The following ZBTB43 variants were observed in gnomAD, a reference collection of about 807,000 sequenced individuals.
ZBTB43 encodes the protein zinc finger and BTB domain-containing protein 43.
In ZBTB43, 6 loss-of-function variants were observed where a neutral mutation model predicts 31.1. The observed-to-expected ratio is 0.19, with a 90% confidence interval of 0.11 to 0.38. ZBTB43 has a LOEUF of 0.38. Ranked by LOEUF, ZBTB43 falls within the 10% of genes least tolerant of loss-of-function variation. The pLI, the probability that ZBTB43 is intolerant of heterozygous loss-of-function variation, is 1.00. For synonymous variants in ZBTB43, 212 were observed against 221.7 expected (o/e 0.96, Z 0.39); for missense variants, 379 against 602.1 (o/e 0.63, Z 3.88).
chr9:126,807,555 T>C lies in ZBTB43; in HGVS notation c.-146-1238T>C, dbSNP rs558989456. Among the ~76,000 whole-genome samples, 4 of 152,344 alleles carry C rather than the reference T, an allele frequency of 2.6e-5. No homozygotes were observed. In the South Asian group the frequency reaches 8.3e-4, roughly 32 times the overall value. ...GATCACATTCTGATTTCAGGAATTT[T>C]AAAATGTGAAAAAATGCATGTCTGA... is the stretch of plus-strand genomic sequence containing the variant. On this transcript the variant is annotated intron_variant, in intron 1 of 2. Transcript: ENST00000373464.
At chr9:126,825,403 G>A (rs550469271) in intron 2 of ZBTB43, among the ~76,000 whole-genome samples, 12 of 152,042 alleles carry the variant, frequency 7.9e-5, no homozygotes, top group Admixed American at 1.3e-4. Context: ...CAGAGCTACC[G>A]TAACAAAATA....
intron 1 of ZBTB43, among the ~76,000 whole-genome samples, chr9:126,807,063 T>C (rs2032141888): frequency 6.6e-6 from 1 of 152,214 alleles, no homozygotes; most frequent in Non-Finnish European, 1.5e-5. Flanking sequence ...GTTTTTTTGT[T>C]TTTTAAAATC....
In ZBTB43 at chr9:126,837,527, A is replaced by T; in HGVS notation, c.*3614A>T. 6.0e-6 allele frequency: 1 copy of T among 167,114 alleles called. No individual in the cohort carries two copies. Among genetic ancestry groups the T allele is most frequent in the South Asian group, 2.1e-4 (1 of 4,836 alleles). The allele number at this position is 167,114 out of a possible 1,614,324, so 10.4% of individuals were successfully genotyped here. A position where few individuals can be genotyped will look rare whatever the true frequency, so the allele number is the denominator to read the frequency against. On this transcript the variant is annotated 3_prime_UTR_variant, in exon 3 of 3. Coordinates refer to ENST00000373464, the MANE Select transcript of ZBTB43 (RefSeq NM_014007.4). ...AGCTGTGCTTTCCCTGGGGAAGGGGATGTGCTGCGGCCTCCTGGGTGGGCG... is the reference window on the plus strand; with the variant it reads ...AGCTGTGCTTTCCCTGGGGAAGGGGTTGTGCTGCGGCCTCCTGGGTGGGCG...
Position 126,833,379 on chromosome 9 carries a change from C to A in ZBTB43, c.870C>A (p.Asp290Glu), listed in dbSNP as rs148991528. The A allele has an allele frequency of 1.9e-5, 31 of 1,613,684 alleles. No homozygotes were observed. The African/African-American group carries it at 4.0e-4, about 21-fold the overall frequency. The change falls in exon 3 of 3, where the codon GAC becomes GAA. Residue 290 changes from aspartate to glutamate, a missense_variant. Asp to Glu is a conservative substitution (Grantham distance 45). Coordinates refer to ENST00000373464, the MANE Select transcript of ZBTB43 (RefSeq NM_014007.4). This position sits in a 1 kb window ranked among gnomAD's most constrained non-coding sequence, Gnocchi z 7.9. ...HTVQPSGVEE[D>E]FHIGEKKVEA... ...TGCAGCCTTCGGGAGTGGAGGAGGA[C>A]TTCCACATCGGGGAGAAGAAAGTGG...
At chr9:126,806,692 C>T (rs2032134004) in intron 1 of ZBTB43, among the ~76,000 whole-genome samples, 1 of 152,176 alleles carries the variant, frequency 6.6e-6, no homozygotes, top group South Asian at 2.1e-4. Context: ...ACTCCTGAAA[C>T]CAATAAGCTC....
chr9:126,831,940 A>AT (rs2032772438), intron 2 of ZBTB43: 2 of 150,428 alleles, frequency 1.3e-5, no homozygotes, highest in African/African-American at 2.5e-5. Flanking sequence ...CCTGGGCAAC[A>AT]AGAGCAAAAC....
intron 2 of ZBTB43, among the ~76,000 whole-genome samples, chr9:126,828,734 A>AC (rs2032705899): frequency 6.6e-6 from 1 of 150,806 alleles, no homozygotes; most frequent in Non-Finnish European, 1.5e-5. Flanking sequence ...AAAGAGTAAA[A>AC]GCAAAGAGTA....
chr9:126,817,159 G>A (rs1453433890), intron 2 of ZBTB43, among the ~76,000 whole-genome samples: 1 of 140,786 alleles, frequency 7.1e-6, no homozygotes, highest in Admixed American at 7.3e-5. Context: ...CACCCAGGCT[G>A]GAGTGCAGTG....
chr9:126,831,218 TC>T (rs772497931), intron 2 of ZBTB43, among the ~76,000 whole-genome samples: 1 of 152,182 alleles, frequency 6.6e-6, no homozygotes, highest in Non-Finnish European at 1.5e-5. Flanking sequence ...TCCTTTCAGT[TC>T]CTTGCAATTG....
chr9:126,810,772 G>GGATTACAGGAGTGA (rs1265143788), intron 2 of ZBTB43, among the ~76,000 whole-genome samples: 1 of 151,536 alleles, frequency 6.6e-6, no homozygotes, highest in East Asian at 2.0e-4. Context: ...CAAAGTACTG[G>GGATTACAGGAGTGA]GATTACAGGA....
At chr9:126,828,627 C>CT (rs1481515837) in intron 2 of ZBTB43, among the ~76,000 whole-genome samples, 3 of 133,870 alleles carry the variant, frequency 2.2e-5, no homozygotes, top group Non-Finnish European at 4.6e-5. Flanking sequence ...ACCCCCATCT[C>CT]TAAATAATAA....
chr9:126,821,195 C>A (rs893507052), intron 2 of ZBTB43, among the ~76,000 whole-genome samples: 85 of 151,612 alleles, frequency 5.6e-4, no homozygotes, highest in African/African-American at 1.9e-3. Context: ...ATGGTAAAAC[C>A]CTGTCTCTAC....
rs768314268 is a variant in ZBTB43 at position 126,833,745 on chromosome 9, G to A, written c.1236G>A (p.Lys412=). The A allele has an allele frequency of 6.2e-7, 1 of 1,610,824 alleles. No individual in the cohort carries two copies. The highest frequency in any genetic ancestry group is 1.1e-5 in the South Asian group (1 of 91,050). ...CGVCGKKFKM[K]HHLVGHMKIH... ...TCTGCGGTAAGAAATTCAAAATGAAGCACCATCTCGTGGGCCACATGAAAA... is the reference window on the plus strand; with the variant it reads ...TCTGCGGTAAGAAATTCAAAATGAAACACCATCTCGTGGGCCACATGAAAA... The change falls in exon 3 of 3, where the codon AAG becomes AAA. Residue 412 remains lysine (K), a synonymous_variant. Transcript: ENST00000373464. This position sits in a 1 kb window ranked among gnomAD's most constrained non-coding sequence, Gnocchi z 7.9.
intron 2 of ZBTB43, among the ~76,000 whole-genome samples, chr9:126,816,402 T>C (rs1238795615): frequency 1.3e-5 from 2 of 152,246 alleles, no homozygotes; most frequent in African/African-American, 4.8e-5. Context: ...TCTACTGTTT[T>C]GTCTCATCTT....
At position 126,833,033 on chromosome 9, in the gene ZBTB43, A is replaced by G. The variant is rs532992128; in HGVS notation, c.524A>G (p.Glu175Gly). 2 of 1,614,016 alleles carry G rather than the reference A, an allele frequency of 1.2e-6. No individual in the cohort carries two copies. Among genetic ancestry groups the G allele is most frequent in the East Asian group, 4.5e-5 (2 of 44,872 alleles). Residue 175 changes from glutamate to glycine, a missense_variant, in exon 3 of 3, where the codon GAA (glutamate) becomes GGA (glycine). Transcript: ENST00000373464. This position sits in a 1 kb window ranked among gnomAD's most constrained non-coding sequence, Gnocchi z 7.9. ...FPKAQELRDG[E>G]NEEESTKDEL... ...AAAGCCCAAGAACTGAGAGATGGTG[A>G]AAATGAAGAGGAGAGCACCAAAGAC...
intron 2 of ZBTB43, among the ~76,000 whole-genome samples, chr9:126,829,986 T>C (rs1015254516): frequency 2.0e-5 from 3 of 152,230 alleles, no homozygotes; most frequent in Non-Finnish European, 4.4e-5. Context: ...AATACTTCAC[T>C]CTAAAAACAC....
chr9:126,810,539 T>G (rs999564835), intron 2 of ZBTB43, among the ~76,000 whole-genome samples: 2 of 137,948 alleles, frequency 1.4e-5, no homozygotes, highest in African/African-American at 5.3e-5. Context: ...TCTCGCTCTG[T>G]CACACAGGCT....
rs1482045252 is a variant in ZBTB43, at chr9:126,836,842, G to T, written c.*2929G>T. 6.2e-6 allele frequency: 1 copy of T among 161,038 alleles called. No homozygotes were observed. The highest frequency in any genetic ancestry group is 2.4e-5 in the African/African-American group (1 of 41,384). 10.0% of individuals were successfully genotyped at this position (161,038 alleles called of 1,614,324 possible). ...CTTGGGGCCAGGCATGGTGGCTCAC[G>T]CCTGTAATCCCAGCACTTTGGGAGG... On this transcript the variant is annotated 3_prime_UTR_variant, in exon 3 of 3. Coordinates refer to ENST00000373464, the MANE Select transcript of ZBTB43 (RefSeq NM_014007.4).
chr9:126,818,405 GC>G (rs1289829406), intron 2 of ZBTB43, among the ~76,000 whole-genome samples: 2 of 152,034 alleles, frequency 1.3e-5, no homozygotes, highest in African/African-American at 4.8e-5. Context: ...GCAGATGAGA[GC>G]CACCACACAT....
Sources: allele counts gnomAD v4.1 joint callset (sites outside exome capture counted in the v4.1 genomes callset), GRCh38; gene constraint gnomAD v4.1.1; non-coding constraint Gnocchi (gnomAD v3.1); transcripts MANE v1.5; gene names NCBI Gene and HGNC (gene_info 2026-07-23, HGNC 2026-07-21).